The following NCAM1 variants were observed in gnomAD, a reference collection of about 807,000 sequenced individuals.
NCAM1 encodes neural cell adhesion molecule 1.
A neutral mutation model predicts 109.8 loss-of-function variants in NCAM1; 14 were observed. The observed-to-expected ratio is 0.13, with a 90% CI of 0.08 to 0.20. The LOEUF is 0.20. NCAM1 is among the 10% of genes least tolerant of loss of function. The pLI is 1.00. For synonymous variants in NCAM1, 418 were observed against 442.9 expected (o/e 0.94, Z 0.70); for missense variants, 774 against 1,109.9 (o/e 0.70, Z 4.30).
intron 8 of NCAM1, among the ~76,000 whole-genome samples, chr11:113,219,025 C>T (rs933790159): frequency 1.6e-4 from 24 of 152,144 alleles, no homozygotes; most frequent in African/African-American, 5.3e-4. Flanking sequence ...TGATGATTTA[C>T]GTACTCTATC....
At chr11:113,267,849 G>A (rs898131275) in intron 17 of NCAM1, among the ~76,000 whole-genome samples, 1 of 152,178 alleles carries the variant, frequency 6.6e-6, no homozygotes, top group Non-Finnish European at 1.5e-5. Flanking sequence ...CAAGCACATA[G>A]AGCAGCTTTG....
chr11:113,055,844 A>C lies in NCAM1; in HGVS notation c.52+94180A>C, dbSNP rs1436129953. ...ACTCAGCAATCCCACTGCTGGCTAT[A>C]TACACAAAAGAAAGGACATCAGTAT... On this transcript the variant is annotated intron_variant, in intron 1 of 19. Coordinates refer to ENST00000316851, the MANE Select transcript of NCAM1 (RefSeq NM_181351.5). 5.3e-5 allele frequency among the ~76,000 whole-genome samples: 8 copies of C among 151,626 alleles called. No individual in the cohort carries two copies. The East Asian group carries it at 1.5e-3, about 29-fold the overall frequency.
intron 1 of NCAM1, among the ~76,000 whole-genome samples, chr11:112,971,247 T>C (rs1223503255): frequency 2.0e-5 from 3 of 151,724 alleles, no homozygotes; most frequent in Non-Finnish European, 4.4e-5. Context: ...TCTCTCTCTG[T>C]CTCTGTCTCT....
At chr11:113,059,027 T>C (rs1450665755) in intron 1 of NCAM1, among the ~76,000 whole-genome samples, 2 of 152,190 alleles carry the variant, frequency 1.3e-5, no homozygotes, top group Admixed American at 6.5e-5. Context: ...ACAAACAGCT[T>C]GAAAAAGTAA....
chr11:113,102,709 G>A (rs782629081), intron 1 of NCAM1, among the ~76,000 whole-genome samples: 6 of 152,272 alleles, frequency 3.9e-5, no homozygotes, highest in Admixed American at 6.5e-5. Context: ...CGTGAGCAAC[G>A]TAGACCATTA....
chr11:113,056,559 C>T (rs1395603967), intron 1 of NCAM1, among the ~76,000 whole-genome samples: 1 of 152,142 alleles, frequency 6.6e-6, no homozygotes, highest in African/African-American at 2.4e-5. Flanking sequence ...TGCTGACAAA[C>T]TCTCTTCCTT....
chr11:113,193,417 G>C (rs782051526), intron 1 of NCAM1, among the ~76,000 whole-genome samples: 1 of 152,146 alleles, frequency 6.6e-6, no homozygotes, highest in Non-Finnish European at 1.5e-5. Context: ...AGGCCGAGGC[G>C]GTTGGATCAT....
intron 7 of NCAM1, among the ~76,000 whole-genome samples, chr11:113,209,712 A>G (rs1362295818): frequency 5.3e-5 from 8 of 152,234 alleles, no homozygotes; most frequent in Non-Finnish European, 8.8e-5. Flanking sequence ...AAGATGAATA[A>G]CATGGACTCT....
intron 7 of NCAM1, among the ~76,000 whole-genome samples, chr11:113,212,695 T>C (rs1555113796): frequency 1.3e-5 from 2 of 152,242 alleles, no homozygotes; most frequent in Non-Finnish European, 2.9e-5. Flanking sequence ...ATTCAGCTCT[T>C]ACTTTACCTT....
intron 1 of NCAM1, among the ~76,000 whole-genome samples, chr11:113,138,831 A>G (rs1404458151): frequency 2.0e-5 from 3 of 152,202 alleles, no homozygotes; most frequent in African/African-American, 7.2e-5. Context: ...CAATTTCAGC[A>G]TTTCTTAACA....
intron 1 of NCAM1, among the ~76,000 whole-genome samples, chr11:113,030,546 T>C (rs115471345): frequency 1.1e-3 from 171 of 152,302 alleles, no homozygotes; most frequent in African/African-American, 3.7e-3. Flanking sequence ...CATTTTATTC[T>C]CCTGTTTAGT....
intron 1 of NCAM1, among the ~76,000 whole-genome samples, chr11:113,148,141 C>T (rs782675621): frequency 2.6e-5 from 4 of 152,120 alleles, no homozygotes; most frequent in East Asian, 1.9e-4. Context: ...AGGAGAAGCC[C>T]GACCTAGGGA....
chr11:113,024,735 C>A (rs1555076878), intron 1 of NCAM1, among the ~76,000 whole-genome samples: 10 of 152,032 alleles, frequency 6.6e-5, no homozygotes, highest in Non-Finnish European at 7.4e-5. Flanking sequence ...GGTAATTTGC[C>A]ACTGGTGTTG....
intron 1 of NCAM1, among the ~76,000 whole-genome samples, chr11:113,118,763 C>A (rs1041341558): frequency 1.3e-5 from 2 of 151,664 alleles, no homozygotes; most frequent in Non-Finnish European, 2.9e-5. Context: ...AATTCAGAAG[C>A]TGGACTACTG....
chr11:113,153,475 AGTGT>A (rs148147482), intron 1 of NCAM1, among the ~76,000 whole-genome samples: 2 of 148,774 alleles, frequency 1.3e-5, no homozygotes, highest in Admixed American at 6.7e-5. Context: ...AGAGAGAGAG[AGTGT>A]GTGTGTGTGT....
intron 1 of NCAM1, among the ~76,000 whole-genome samples, chr11:113,168,095 G>C (rs575943427): frequency 6.6e-6 from 1 of 152,104 alleles, no homozygotes; most frequent in African/African-American, 2.4e-5. Flanking sequence ...GAATTGAATC[G>C]GACAAGTAAG....
At chr11:113,271,684 G>A in intron 18 of NCAM1, 76 bp from the exon 19 acceptor site, 2 of 1,122,582 alleles carry the variant, frequency 1.8e-6, no homozygotes, top group East Asian at 2.7e-5. Flanking sequence ...GCCTTGGGTT[G>A]AGTCATAGCT....
intron 1 of NCAM1, among the ~76,000 whole-genome samples, chr11:113,147,628 A>C (rs1479814649): frequency 1.3e-5 from 2 of 152,348 alleles, no homozygotes; most frequent in East Asian, 3.9e-4. Flanking sequence ...CATCTCCCGT[A>C]GTTTCTGAAC....
intron 1 of NCAM1, among the ~76,000 whole-genome samples, chr11:113,107,531 A>G (rs530196157): frequency 6.6e-6 from 1 of 152,288 alleles, no homozygotes; most frequent in African/African-American, 2.4e-5. Context: ...CACAGTTCTA[A>G]GTGTCTGGGG....
Sources: allele counts gnomAD v4.1 joint callset (sites outside exome capture counted in the v4.1 genomes callset), GRCh38; gene constraint gnomAD v4.1.1; transcripts MANE v1.5; gene names NCBI Gene and HGNC (gene_info 2026-07-23, HGNC 2026-07-21).